Variants in KRABD5 observed in about 807,000 individuals in gnomAD.
The protein encoded by KRABD5 is KRAB domain containing 5.
the KRABD5 span, among the ~76,000 whole-genome samples, chr16:31,742,495 TC>T: frequency 1.1e-4 from 16 of 152,188 alleles, no homozygotes; most frequent in African/African-American, 3.9e-4. Context: ...ATGATCTCAT[TC>T]CTTTTTATGG....
chr16:31,731,524 A>G, the KRABD5 span, among the ~76,000 whole-genome samples: 2 of 152,322 alleles, frequency 1.3e-5, no homozygotes, highest in South Asian at 4.1e-4. Context: ...ACTGATGGAC[A>G]TGACTGACCC....
chr16:31,753,796 TAAGA>T, the KRABD5 span: 19 of 1,529,138 alleles, frequency 1.2e-5, no homozygotes, highest in Non-Finnish European at 1.7e-5. Flanking sequence ...CAAGGCCTCT[TAAGA>T]AAGAAGCTTA....
the KRABD5 span, chr16:31,759,756 A>G: frequency 5.6e-6 from 1 of 179,844 alleles, no homozygotes; most frequent in Admixed American, 5.6e-5. Flanking sequence ...AGGGAGGGAG[A>G]AATTTATTTT....
chr16:31,748,371 C>G, the KRABD5 span, among the ~76,000 whole-genome samples: 1 of 152,198 alleles, frequency 6.6e-6, no homozygotes, highest in African/African-American at 2.4e-5. Flanking sequence ...GTACCAGAAC[C>G]ATGCTGTTTT....
the KRABD5 span, among the ~76,000 whole-genome samples, chr16:31,718,012 A>G: frequency 6.6e-6 from 1 of 152,120 alleles, no homozygotes; most frequent in Non-Finnish European, 1.5e-5. Context: ...CAGACCTGAA[A>G]CCGATTCAGA....
the KRABD5 span, chr16:31,761,147 A>G: frequency 6.6e-6 from 1 of 152,188 alleles, no homozygotes. Context: ...TACTGATTGC[A>G]GTAATGGGAA....
At chr16:31,754,544 T>C in the KRABD5 span, 6 of 552,650 alleles carry the variant, frequency 1.1e-5, no homozygotes, top group Non-Finnish European at 2.1e-5. Flanking sequence ...ACATAACCAT[T>C]GCAAACGTAA....
the KRABD5 span, chr16:31,758,684 G>A: frequency 6.6e-6 from 1 of 151,276 alleles, no homozygotes; most frequent in South Asian, 2.1e-4. Context: ...TGAAGCAGGA[G>A]AGTCACTTGA....
At chr16:31,755,600 C>T in the KRABD5 span, 2,345 of 476,228 alleles carry the variant, frequency 4.9e-3, 12 homozygotes, top group Non-Finnish European at 6.3e-3. Flanking sequence ...AAACCTTAGA[C>T]GACATCAGAT....
At chr16:31,753,811 T>TAGAAG in the KRABD5 span, 1 of 1,545,682 alleles carries the variant, frequency 6.5e-7, no homozygotes, top group Non-Finnish European at 8.7e-7. Context: ...AAGAAGCTTA[T>TAGAAG]AGAAGCATCA....
At chr16:31,716,039 T>C in the KRABD5 span, among the ~76,000 whole-genome samples, 1 of 152,180 alleles carries the variant, frequency 6.6e-6, no homozygotes, top group South Asian at 2.1e-4. Context: ...CACTAGGCAC[T>C]GGCGTCGCCA....
chr16:31,729,169 TC>T, the KRABD5 span, among the ~76,000 whole-genome samples: 1 of 152,224 alleles, frequency 6.6e-6, no homozygotes, highest in Non-Finnish European at 1.5e-5. Context: ...CTTATGTTTG[TC>T]CTTAAATCAA....
chr16:31,722,782 A>G, the KRABD5 span: 1 of 1,549,266 alleles, frequency 6.5e-7, no homozygotes. Context: ...GGAATATCTA[A>G]TATCTAATAA....
At chr16:31,722,006 G>A in the KRABD5 span, among the ~76,000 whole-genome samples, 5 of 152,200 alleles carry the variant, frequency 3.3e-5, no homozygotes, top group African/African-American at 1.2e-4. Context: ...AACTGATTGT[G>A]GATGATGTAA....
At chr16:31,746,414 C>A in the KRABD5 span, among the ~76,000 whole-genome samples, 1 of 152,132 alleles carries the variant, frequency 6.6e-6, no homozygotes, top group East Asian at 1.9e-4. Flanking sequence ...GTTGAAAATT[C>A]TTTTCTTTAA....
the KRABD5 span, chr16:31,759,771 G>A: frequency 1.1e-5 from 2 of 179,376 alleles, no homozygotes; most frequent in African/African-American, 4.8e-5. Context: ...TATTTTCTGG[G>A]TAGGAGTAAA....
chr16:31,737,826 G>A, the KRABD5 span, among the ~76,000 whole-genome samples: 5 of 152,090 alleles, frequency 3.3e-5, no homozygotes, highest in Non-Finnish European at 5.9e-5. Context: ...TTGAGATTCC[G>A]TAGACATTTT....
At chr16:31,754,040 T>G in the KRABD5 span, 1 of 1,053,600 alleles carries the variant, frequency 9.5e-7, no homozygotes. Context: ...CTAAACCATG[T>G]GTTTCTGTAA....
At chr16:31,722,295 G>A in the KRABD5 span, among the ~76,000 whole-genome samples, 5 of 152,016 alleles carry the variant, frequency 3.3e-5, no homozygotes, top group Non-Finnish European at 5.9e-5. Flanking sequence ...GGCTAGTCTC[G>A]AACTTAGGTG....
Sources: gnomAD v4.1 joint callset for allele counts (sites outside exome capture counted in the v4.1 genomes callset) on GRCh38, gnomAD v4.1.1 for gene constraint, MANE v1.5 for transcripts, NCBI Gene and HGNC (gene_info 2026-07-23, HGNC 2026-07-21) for gene names.